The following HHIPL1 variants were observed in gnomAD, a reference collection of about 807,000 sequenced individuals.
HHIPL1 encodes HHIP like 1, also known as HHIP-like protein 1.
A neutral mutation model predicts 61.8 loss-of-function variants in HHIPL1; 43 were observed. That is an observed-to-expected ratio of 0.70 (90% CI 0.55 to 0.90). HHIPL1 has a LOEUF of 0.90. HHIPL1 is among the 40% of genes least tolerant of loss of function. The pLI is 0.00. For synonymous variants in HHIPL1, 482 were observed against 515.8 expected, an observed-to-expected ratio of 0.93 and a Z score of 0.89; for missense variants, 1,056 against 1,157.7, an observed-to-expected ratio of 0.91 and a Z score of 1.28.
rs1167036203 is a variant in HHIPL1, at chr14:99,652,530, G to A, written c.562G>A (p.Glu188Lys). 1 of 1,613,470 alleles carries A rather than the reference G, an allele frequency of 6.2e-7. No homozygotes were observed. The highest frequency in any genetic ancestry group is 8.5e-7 in the Non-Finnish European group (1 of 1,180,046). The change falls in exon 2 of 9, where the codon GAG becomes AAG. Residue 188 changes from glutamate (E) to lysine (K), a missense_variant. Transcript: ENST00000330710. ...GGGCTGCCTGCAGCTGTGCCTGGAG[G>A]AGGTGGCCAACGGGCTGCGCAACCC... ...AKGCLQLCLEEVANGLRNPVA... is the reference protein window; with the variant it reads ...AKGCLQLCLEKVANGLRNPVA...
chr14:99,666,683 G>A (rs939293940), intron 6 of HHIPL1, among the ~76,000 whole-genome samples: 1 of 152,190 alleles, frequency 6.6e-6, no homozygotes, highest in African/African-American at 2.4e-5. Context: ...GGGAGTGGAC[G>A]GCCCAAGGCT....
the HHIPL1 span, among the ~76,000 whole-genome samples, chr14:99,633,460 C>A: frequency 6.6e-6 from 1 of 152,172 alleles, no homozygotes; most frequent in Non-Finnish European, 1.5e-5. Context: ...CATGTCACAG[C>A]CCATGGAGTG....
Position 99,668,997 on chromosome 14 carries a change from G to T in HHIPL1, c.1730+694G>T, listed in dbSNP as rs1467367676. On this transcript the variant is annotated intron_variant, in intron 7 of 8. Coordinates refer to ENST00000330710, the MANE Select transcript of HHIPL1 (RefSeq NM_001127258.3). The surrounding 1 kb of genome is among the most constrained non-coding windows in gnomAD (Gnocchi z 4.7). ...TGGGGCCCAGGCCACTGGCTCCAGA[G>T]CCCTGCCCTAACCCCTTGGCTGTGT... 43 of 1,553,838 alleles carry T rather than the reference G, an allele frequency of 2.8e-5. No individual in the cohort carries two copies. The highest frequency in any genetic ancestry group is 3.6e-5 in the Non-Finnish European group (41 of 1,150,968).
intron 1 of HHIPL1, 106 bp downstream of exon 1, chr14:99,645,568 CGGGAACTCTAAGCCCCAACA>C: frequency 6.9e-6 from 8 of 1,157,802 alleles, no homozygotes; most frequent in Non-Finnish European, 8.7e-6. Context: ...GCGGCGGACT[CGGGAACTCTAAGCCCCAACA>C]GGGAGTCATT....
the HHIPL1 span, among the ~76,000 whole-genome samples, chr14:99,623,288 A>G: frequency 0.048 from 7,272 of 152,328 alleles, 592 homozygotes; most frequent in African/African-American, 0.17. Context: ...GGCTCTGAGA[A>G]AACCACAATT....
chr14:99,621,966 T>C, the HHIPL1 span, among the ~76,000 whole-genome samples: 6 of 152,038 alleles, frequency 3.9e-5, no homozygotes, highest in Non-Finnish European at 5.9e-5. Context: ...CCGCCCACCT[T>C]GGCCTCCCAA....
chr14:99,675,386 C>T lies in HHIPL1; in HGVS notation c.2109C>T (p.Ser703=). The change falls in exon 9 of 9, where the codon TCC becomes TCT. Residue 703 remains serine (S), a synonymous_variant. Coordinates refer to ENST00000330710, the MANE Select transcript of HHIPL1 (RefSeq NM_001127258.3). This position sits in a 1 kb window ranked among gnomAD's most constrained non-coding sequence, Gnocchi z 5.4. ...GGRWGTVCDD[S]WNISGAAVVC... Reference sequence around the variant, plus strand: ...GCTGGGGCACCGTGTGCGACGACTCCTGGAACATCAGCGGCGCCGCCGTCG... The same window carrying T: ...GCTGGGGCACCGTGTGCGACGACTCTTGGAACATCAGCGGCGCCGCCGTCG... The T allele has an allele frequency of 6.6e-7, 1 of 1,524,814 alleles. No individual in the cohort carries two copies. The highest frequency in any genetic ancestry group is 8.8e-7 in the Non-Finnish European group (1 of 1,139,218). The allele number at this position is 1,524,814 out of a possible 1,614,324, so 94.5% of individuals were successfully genotyped here.
At chr14:99,615,633 G>A in the HHIPL1 span, among the ~76,000 whole-genome samples, 1 of 93,528 alleles carries the variant, frequency 1.1e-5, no homozygotes, top group Non-Finnish European at 2.0e-5. Flanking sequence ...AAGGAAGAAA[G>A]AGAAAGAAAG....
intron 5 of HHIPL1, among the ~76,000 whole-genome samples, chr14:99,662,240 G>A (rs2056163899): frequency 6.6e-6 from 1 of 152,174 alleles, no homozygotes; most frequent in African/African-American, 2.4e-5. Context: ...CACAGTGTCG[G>A]GGAGCCCAGC....
chr14:99,635,926 A>G, the HHIPL1 span, among the ~76,000 whole-genome samples: 3 of 152,250 alleles, frequency 2.0e-5, no homozygotes, highest in South Asian at 6.2e-4. Flanking sequence ...CAGGAGTCCT[A>G]CTGTGCATCG....
At chr14:99,655,866 C>T (rs538510181) in intron 2 of HHIPL1, among the ~76,000 whole-genome samples, 25 of 152,320 alleles carry the variant, frequency 1.6e-4, no homozygotes, top group African/African-American at 5.8e-4. Context: ...CTTTGCTGCT[C>T]TTAGTACCAA....
In HHIPL1 at chr14:99,660,898, C is replaced by A. The variant is rs866193096; in HGVS notation, c.1502+492C>A. ...TTGCAAAGGTTGAGAAACTAAGACCCGAGAGAACAGTGGCTGCCCATGGGC... is the reference window on the plus strand; with the variant it reads ...TTGCAAAGGTTGAGAAACTAAGACCAGAGAGAACAGTGGCTGCCCATGGGC... On this transcript the variant is annotated intron_variant, in intron 5 of 8. Transcript: ENST00000330710. This position sits in a 1 kb window ranked among gnomAD's most constrained non-coding sequence, Gnocchi z 4.9. 2.6e-5 allele frequency among the ~76,000 whole-genome samples: 4 copies of A among 152,308 alleles called. No individual in the cohort carries two copies. In the South Asian group the frequency reaches 8.3e-4, roughly 32 times the overall value.
At chr14:99,637,244 GA>G in the HHIPL1 span, among the ~76,000 whole-genome samples, 50 of 144,098 alleles carry the variant, frequency 3.5e-4, no homozygotes, top group African/African-American at 1.3e-3. Context: ...AAGAAAGAAA[GA>G]AAGAAAGAAA....
chr14:99,675,051 C>T lies in HHIPL1; in HGVS notation c.1814-40C>T, dbSNP rs926017564. 12 of 1,091,560 alleles carry T rather than the reference C, an allele frequency of 1.1e-5. No individual in the cohort carries two copies. Among genetic ancestry groups the T allele is most frequent in the Non-Finnish European group, 1.4e-5 (12 of 881,218 alleles). 67.6% of individuals were successfully genotyped at this position (1,091,560 alleles called of 1,614,324 possible). A position where few individuals can be genotyped will look rare whatever the true frequency, so the allele number is the denominator to read the frequency against. On this transcript the variant is annotated intron_variant, in intron 8 of 8. Transcript: ENST00000330710. This position sits in a 1 kb window ranked among gnomAD's most constrained non-coding sequence, Gnocchi z 5.4. ...GGTGGGCAGCAGGGCTGGACAGGGG[C>T]GCCTGGGTCCCTCTGACGGCATACT...
the HHIPL1 span, among the ~76,000 whole-genome samples, chr14:99,637,259 A>AGAAAGAAAGAAG: frequency 6.8e-6 from 1 of 146,736 alleles, no homozygotes; most frequent in Non-Finnish European, 1.5e-5. Flanking sequence ...AAAGAAAGAA[A>AGAAAGAAAGAAG]GAAAGAAAAA....
In HHIPL1 at chr14:99,668,795, C is replaced by T; in HGVS notation, c.1730+492C>T. The T allele has an allele frequency of 6.2e-7, 1 of 1,609,916 alleles. No homozygotes were observed. On this transcript the variant is annotated intron_variant, in intron 7 of 8. Coordinates refer to ENST00000330710, the MANE Select transcript of HHIPL1 (RefSeq NM_001127258.3). This position sits in a 1 kb window ranked among gnomAD's most constrained non-coding sequence, Gnocchi z 4.7. ...CCACTGGGGAAAACACATTGGGGCTCCCTTCGCCGGCTCCATCTCCCCGGC... is the reference window on the plus strand; with the variant it reads ...CCACTGGGGAAAACACATTGGGGCTTCCTTCGCCGGCTCCATCTCCCCGGC...
chr14:99,641,563 G>A (rs1165622063), upstream of HHIPL1, among the ~76,000 whole-genome samples: 2 of 151,780 alleles, frequency 1.3e-5, no homozygotes, highest in Non-Finnish European at 2.9e-5. Context: ...AGAGGTGCCC[G>A]CCACCATGCC....
In HHIPL1 at chr14:99,652,802, G is replaced by T. The variant is rs199978506; in HGVS notation, c.834G>T (p.Glu278Asp). ...ACTCAGTGGGTATCCGCAGCAGTGAGTGGATCCGCATCAGCGAGTTCAGAG... is the reference window on the plus strand; with the variant it reads ...ACTCAGTGGGTATCCGCAGCAGTGATTGGATCCGCATCAGCGAGTTCAGAG... ...VYYSVGIRSS[E>D]WIRISEFRVS... The change falls in exon 2 of 9, where the codon GAG becomes GAT. Residue 278 changes from glutamate to aspartate, a missense_variant. Transcript: ENST00000330710. The T allele has an allele frequency of 9.7e-5, 157 of 1,614,034 alleles. No homozygotes were observed. The highest frequency in any genetic ancestry group is 2.2e-4 in the Admixed American group (13 of 60,010).
chr14:99,665,923 A>G (rs1302220726), intron 6 of HHIPL1, among the ~76,000 whole-genome samples: 1 of 152,110 alleles, frequency 6.6e-6, no homozygotes, highest in Non-Finnish European at 1.5e-5. Context: ...CTAGGACTAT[A>G]GGTGCGCACC....
Sources: allele counts gnomAD v4.1 joint callset (sites outside exome capture counted in the v4.1 genomes callset), GRCh38; gene constraint gnomAD v4.1.1; non-coding constraint Gnocchi (gnomAD v3.1); transcripts MANE v1.5; gene names NCBI Gene and HGNC (gene_info 2026-07-23, HGNC 2026-07-21).